PSD3: variants seen among roughly 807,000 people sequenced by gnomAD.
The protein encoded by PSD3 is pleckstrin and Sec7 domain containing 3.
Under a neutral mutation model 105.5 loss-of-function variants are expected in PSD3, and 49 were observed. That is an observed-to-expected ratio of 0.46 (90% CI 0.37 to 0.59). The LOEUF (loss-of-function observed/expected upper bound fraction) is 0.59, where lower values mean the gene tolerates loss of function less well. PSD3 is among the 20% of genes least tolerant of loss of function. The pLI, the probability that PSD3 is intolerant of heterozygous loss-of-function variation, is 0.00. For missense variants in PSD3, 1,561 were observed against 1,263.8 expected (o/e 1.24, Z -3.57); for synonymous variants, 557 against 457.8 (o/e 1.22, Z -2.77).
At chr8:19,051,737 G>T (rs1242714921) in intron 1 of PSD3, among the ~76,000 whole-genome samples, 9 of 152,192 alleles carry the variant, frequency 5.9e-5, no homozygotes. Flanking sequence ...CTACTAGACT[G>T]CTGGCAGGGG....
chr8:19,063,924 T>C (rs1481021881), intron 1 of PSD3, among the ~76,000 whole-genome samples: 2 of 152,040 alleles, frequency 1.3e-5, no homozygotes, highest in African/African-American at 4.8e-5. Flanking sequence ...GGTGGATCAC[T>C]TGAGGTCAGG....
At chr8:19,066,885 A>G (rs1309454788) in intron 1 of PSD3, among the ~76,000 whole-genome samples, 4 of 152,170 alleles carry the variant, frequency 2.6e-5, no homozygotes, top group Non-Finnish European at 5.9e-5. Flanking sequence ...GGGTGCCCCA[A>G]TTATTCATTT....
At chr8:18,657,177 A>G (rs964383730) in intron 9 of PSD3, among the ~76,000 whole-genome samples, 1 of 152,360 alleles carries the variant, frequency 6.6e-6, no homozygotes, top group East Asian at 1.9e-4. Context: ...ACAGCAGAGC[A>G]GAACTGCCTT....
At chr8:18,913,272 TAA>T (rs1202226602) in intron 2 of PSD3, among the ~76,000 whole-genome samples, 1 of 152,186 alleles carries the variant, frequency 6.6e-6, no homozygotes. Flanking sequence ...ATTTTTCTGT[TAA>T]AGTTTCCCTT....
intron 1 of PSD3, among the ~76,000 whole-genome samples, chr8:18,983,768 G>A (rs549259683): frequency 4.6e-5 from 7 of 152,070 alleles, no homozygotes; most frequent in African/African-American, 1.7e-4. Flanking sequence ...GGACGCTGAG[G>A]CAAGAGGATT....
rs750642080 is a variant in PSD3, at chr8:18,867,991, G to T, written c.1317C>A (p.Asp439Glu). The change falls in exon 4 of 16, where the codon GAC becomes GAA. Residue 439 changes from aspartate (D) to glutamate (E), a missense_variant. Transcript: ENST00000327040. Reference sequence around the variant, plus strand: ...TGGTTTCAAACTGGGAGCTGTACACGTCGGTGGAGTCCTCCGTATATCCAG... The same window carrying T: ...TGGTTTCAAACTGGGAGCTGTACACTTCGGTGGAGTCCTCCGTATATCCAG... Reference protein sequence around the residue: ...LGPGYTEDSTDVYSSQFETIL... With the variant: ...LGPGYTEDSTEVYSSQFETIL... The T allele has an allele frequency of 6.2e-7, 1 of 1,614,122 alleles. No homozygotes were observed. The highest frequency in any genetic ancestry group is 8.5e-7 in the Non-Finnish European group (1 of 1,179,988).
chr8:19,066,733 G>C (rs1829086998), intron 1 of PSD3, among the ~76,000 whole-genome samples: 1 of 152,206 alleles, frequency 6.6e-6, no homozygotes, highest in African/African-American at 2.4e-5. Flanking sequence ...TCTATCTGAT[G>C]TTGTTCTTTC....
At position 18,752,554 on chromosome 8, in the gene PSD3, A is replaced by AT. The variant is rs60557005; in HGVS notation, c.2172+12894_2172+12895insA. ...ATTATATATTATATATATTATATAT[A>AT]ATTATATATATTATATATATAATTA... On this transcript the variant is annotated intron_variant, in intron 9 of 15. Coordinates refer to ENST00000327040, the MANE Select transcript of PSD3 (RefSeq NM_015310.4). Among the ~76,000 whole-genome samples, 89 of 19,658 alleles carry AT rather than the reference A, an allele frequency of 4.5e-3. 1 individual carries two copies. The highest frequency in any genetic ancestry group is 0.013 in the South Asian group (12 of 898). The allele number at this position is 19,658 out of a possible 152,430, so 12.9% of individuals were successfully genotyped here.
intron 1 of PSD3, among the ~76,000 whole-genome samples, chr8:18,945,291 T>C (rs1410492170): frequency 1.7e-5 from 2 of 115,734 alleles, no homozygotes; most frequent in Non-Finnish European, 3.8e-5. Context: ...TGTATCCTTA[T>C]AAGAGGGAAG....
At chr8:18,544,171 C>CAAAAAAAAAAAAAAAAAAAAAAAA (rs201016537) in intron 15 of PSD3, among the ~76,000 whole-genome samples, 26 of 106,716 alleles carry the variant, frequency 2.4e-4, no homozygotes, top group South Asian at 3.7e-4. Context: ...AGAAACAAAC[C>CAAAAAAAAAAAAAAAAAAAAAAAA]AAAAAAAAAA....
chr8:18,645,940 C>G (rs1808006314), intron 10 of PSD3, among the ~76,000 whole-genome samples: 1 of 151,998 alleles, frequency 6.6e-6, no homozygotes, highest in Admixed American at 6.6e-5. Context: ...CCCTACCTCT[C>G]TCTGCACACA....
chr8:18,920,621 A>G lies in PSD3; in HGVS notation c.130+15413T>C, dbSNP rs568873437. On this transcript the variant is annotated intron_variant, in intron 2 of 15. Transcript: ENST00000327040. ...ACTGATACTTAAAACCATTTAAGTA[A>G]AAAACCTTTTATTGACATATCCTAA... Among the ~76,000 whole-genome samples the G allele has an allele frequency of 3.7e-4, 56 of 152,350 alleles. No individual in the cohort carries two copies. The South Asian group carries it at 0.011, about 31-fold the overall frequency.
At chr8:18,752,547 T>TGA (rs1563225284) in intron 9 of PSD3, among the ~76,000 whole-genome samples, 853 of 10,706 alleles carry the variant, frequency 0.08, 48 homozygotes, top group African/African-American at 0.19. Context: ...TTATATATAT[T>TGA]ATATATAATT....
In PSD3 at chr8:18,843,332, C is replaced by CAA. The variant is rs371463032; in HGVS notation, c.1634+24340_1634+24341dup. 5.2e-3 allele frequency among the ~76,000 whole-genome samples: 614 copies of CAA among 118,470 alleles called. 5 individuals carry two copies. Among genetic ancestry groups the CAA allele is most frequent in the African/African-American group, 9.9e-3 (309 of 31,118 alleles). 77.7% of individuals were successfully genotyped at this position (118,470 alleles called of 152,430 possible). ...GCCGAGATCGCACGAGACTCCGTCT[C>CAA]AAAAAAAAAAAAAAAGAGTTATTGC... On this transcript the variant is annotated intron_variant, in intron 4 of 15. Coordinates refer to ENST00000327040, the MANE Select transcript of PSD3 (RefSeq NM_015310.4).
Position 18,601,923 on chromosome 8 carries a change from A to T in PSD3, c.2411-1489T>A, listed in dbSNP as rs115901050. Among the ~76,000 whole-genome samples the T allele has an allele frequency of 6.8e-3, 1,041 of 152,248 alleles. 10 individuals carry two copies. The highest frequency in any genetic ancestry group is 0.024 in the African/African-American group (993 of 41,552). On this transcript the variant is annotated intron_variant, in intron 11 of 15. Coordinates refer to ENST00000327040, the MANE Select transcript of PSD3 (RefSeq NM_015310.4). ...CAGGAGGCACCTGACTTGAAAGCAGACCAGCTGGTTTCCAGCCCCTTCACA... is the reference window on the plus strand; with the variant it reads ...CAGGAGGCACCTGACTTGAAAGCAGTCCAGCTGGTTTCCAGCCCCTTCACA...
At chr8:18,575,529 A>C (rs1043555911) in intron 12 of PSD3, among the ~76,000 whole-genome samples, 3 of 152,160 alleles carry the variant, frequency 2.0e-5, no homozygotes, top group Admixed American at 1.3e-4. Flanking sequence ...GTTTTTTTAA[A>C]AAACTGATAT....
chr8:18,720,408 T>A (rs1802887034), intron 9 of PSD3, among the ~76,000 whole-genome samples: 1 of 152,170 alleles, frequency 6.6e-6, no homozygotes, highest in African/African-American at 2.4e-5. Context: ...GAAAAGGGTA[T>A]AATTTTATTA....
Position 18,786,663 on chromosome 8 carries a change from C to T in PSD3, c.2082+12632G>A, listed in dbSNP as rs373971204. 10 of 152,322 alleles carry T rather than the reference C, an allele frequency of 6.6e-5. No individual in the cohort carries two copies. The East Asian group carries it at 1.2e-3, about 18-fold the overall frequency. 9.4% of individuals were successfully genotyped at this position (152,322 alleles called of 1,614,324 possible). ...AATACTTGGAGTCCTACGCAGTAAG[C>T]AAGTATTAGTACAATCATCCAATAG... On this transcript the variant is annotated intron_variant, in intron 8 of 15. Transcript: ENST00000327040.
At chr8:18,810,344 A>G (rs1811589455) in intron 4 of PSD3, among the ~76,000 whole-genome samples, 1 of 152,160 alleles carries the variant, frequency 6.6e-6, no homozygotes, top group Admixed American at 6.6e-5. Context: ...TATGCTATCA[A>G]TAATGGTATG....
Sources: allele counts gnomAD v4.1 joint callset (sites outside exome capture counted in the v4.1 genomes callset), GRCh38; gene constraint gnomAD v4.1.1; transcripts MANE v1.5; gene names NCBI Gene and HGNC (gene_info 2026-07-23, HGNC 2026-07-21).